Variants in SMYD3 observed in about 807,000 individuals in gnomAD.
SMYD3 encodes the protein SET and MYND domain containing 3.
SMYD3 carries 36 observed loss-of-function variants against 57.7 expected under a neutral mutation model. The ratio of observed to expected loss-of-function variants is 0.62; its 90% CI spans 0.48 to 0.82. The LOEUF is 0.82. Ranked by LOEUF, SMYD3 falls within the 40% of genes least tolerant of loss-of-function variation. The pLI is 0.00. For missense variants in SMYD3, 515 were observed against 538.8 expected, an observed-to-expected ratio of 0.96 and a Z score of 0.44; for synonymous variants, 211 against 195.0, an observed-to-expected ratio of 1.08 and a Z score of -0.68.
At chr1:245,804,475 A>G (rs923085500) in intron 10 of SMYD3, among the ~76,000 whole-genome samples, 4 of 151,996 alleles carry the variant, frequency 2.6e-5, no homozygotes, top group Non-Finnish European at 1.5e-5. Context: ...GGAGAATGGC[A>G]TGGACCTGGG....
intron 5 of SMYD3, among the ~76,000 whole-genome samples, chr1:246,030,757 G>A (rs955722128): frequency 3.3e-5 from 5 of 152,058 alleles, no homozygotes; most frequent in South Asian, 4.2e-4. Flanking sequence ...ATACAAACCC[G>A]CACACAAATT....
intron 5 of SMYD3, among the ~76,000 whole-genome samples, chr1:246,114,792 C>A (rs929685130): frequency 6.6e-6 from 1 of 152,056 alleles, no homozygotes; most frequent in African/African-American, 2.4e-5. Flanking sequence ...CCACCACGCC[C>A]GGCTCATTTT....
At chr1:246,236,575 T>C (rs12094623) in intron 5 of SMYD3, among the ~76,000 whole-genome samples, 31,499 of 151,912 alleles carry the variant, frequency 0.21, 3,966 homozygotes, top group East Asian at 0.58. Context: ...CCACCACGCC[T>C]GGTTAATTTT....
At chr1:246,416,278 G>A in intron 1 of SMYD3, among the ~76,000 whole-genome samples, 1 of 152,118 alleles carries the variant, frequency 6.6e-6, no homozygotes, top group Non-Finnish European at 1.5e-5. Flanking sequence ...TCAATTTATA[G>A]GTTGGAACAA....
intron 10 of SMYD3, among the ~76,000 whole-genome samples, chr1:245,767,186 G>T (rs1459301475): frequency 6.6e-6 from 1 of 151,976 alleles, no homozygotes; most frequent in Admixed American, 6.6e-5. Flanking sequence ...ACAAAAAGAC[G>T]GTCATCTTTT....
At chr1:246,411,036 C>G (rs532105483) in intron 1 of SMYD3, among the ~76,000 whole-genome samples, 41 of 151,288 alleles carry the variant, frequency 2.7e-4, no homozygotes, top group African/African-American at 7.0e-4. Flanking sequence ...TTTTTTATTG[C>G]ATCTATTTGA....
intron 1 of SMYD3, among the ~76,000 whole-genome samples, chr1:246,497,872 GA>G (rs916872923): frequency 7.2e-4 from 97 of 134,230 alleles, no homozygotes; most frequent in Middle Eastern, 3.7e-3. Flanking sequence ...GTCTCTAGAG[GA>G]AAAAAAAAAA....
At chr1:246,187,486 T>G (rs1014573345) in intron 5 of SMYD3, among the ~76,000 whole-genome samples, 1 of 152,168 alleles carries the variant, frequency 6.6e-6, no homozygotes, top group Non-Finnish European at 1.5e-5. Context: ...TGGCACAATT[T>G]TTTTTCTTTT....
At chr1:245,862,915 C>G (rs898604822) in intron 9 of SMYD3, among the ~76,000 whole-genome samples, 2 of 152,176 alleles carry the variant, frequency 1.3e-5, no homozygotes, top group Non-Finnish European at 2.9e-5. Flanking sequence ...CTAATAAACT[C>G]AGTGGGCTAT....
chr1:245,930,070 T>C, intron 5 of SMYD3, 133 bp from the exon 6 acceptor site: 1 of 712,996 alleles, frequency 1.4e-6, no homozygotes, highest in Non-Finnish European at 2.5e-6. Context: ...AAGCCAATCA[T>C]GGATGCTCTT....
chr1:245,764,849 C>T (rs749253494), intron 10 of SMYD3, among the ~76,000 whole-genome samples: 8 of 152,014 alleles, frequency 5.3e-5, no homozygotes, highest in Admixed American at 6.5e-5. Flanking sequence ...AGAAAGAGGA[C>T]GCACACGACT....
intron 1 of SMYD3, among the ~76,000 whole-genome samples, chr1:246,467,282 T>C (rs1015250308): frequency 6.6e-6 from 1 of 152,190 alleles, no homozygotes; most frequent in African/African-American, 2.4e-5. Context: ...TTGACAGAAT[T>C]AGATTTCACA....
Position 246,203,245 on chromosome 1 carries a change from G to A in SMYD3, c.531+123956C>T, listed in dbSNP as rs553931167. Among the ~76,000 whole-genome samples the A allele has an allele frequency of 5.3e-5, 8 of 152,288 alleles. No individual in the cohort carries two copies. The South Asian group carries it at 8.3e-4, about 16-fold the overall frequency. The stretch of plus-strand genomic sequence containing the variant: ...TTGTTTCCCTCTCACTGGTCCTTCA[G>A]TGAAATTAATTCAATAAATATCCAC... On this transcript the variant is annotated intron_variant, in intron 5 of 11. Transcript: ENST00000490107. The surrounding 1 kb of genome is among the most constrained non-coding windows in gnomAD (Gnocchi z 4.6).
chr1:245,919,786 C>A (rs752608377), intron 7 of SMYD3, among the ~76,000 whole-genome samples: 1 of 152,172 alleles, frequency 6.6e-6, no homozygotes, highest in Non-Finnish European at 1.5e-5. Context: ...GATCAGTAGA[C>A]ACCTTAATGG....
chr1:245,943,080 G>C (rs2057307829), intron 5 of SMYD3, among the ~76,000 whole-genome samples: 1 of 147,490 alleles, frequency 6.8e-6, no homozygotes, highest in African/African-American at 2.5e-5. Context: ...AAAAGAACTA[G>C]AGAACCACGA....
chr1:245,757,680 C>T (rs2045667236), intron 11 of SMYD3, among the ~76,000 whole-genome samples: 1 of 152,102 alleles, frequency 6.6e-6, no homozygotes. Context: ...GTTGAAGAGA[C>T]TGTCATTTTT....
At chr1:246,352,582 T>G in intron 2 of SMYD3, among the ~76,000 whole-genome samples, 1 of 152,242 alleles carries the variant, frequency 6.6e-6, no homozygotes, top group East Asian at 1.9e-4. Context: ...CTCTAGCTGT[T>G]ATTACATATA....
At chr1:246,479,413 G>A (rs1272448925) in intron 1 of SMYD3, among the ~76,000 whole-genome samples, 1 of 151,730 alleles carries the variant, frequency 6.6e-6, no homozygotes, top group Non-Finnish European at 1.5e-5. Flanking sequence ...CTTTTGTTGA[G>A]ATTACATCTT....
intron 5 of SMYD3, among the ~76,000 whole-genome samples, chr1:246,072,918 T>C (rs2060484101): frequency 6.6e-6 from 1 of 152,242 alleles, no homozygotes; most frequent in Non-Finnish European, 1.5e-5. Flanking sequence ...ACTTCTTCCA[T>C]AAATGAAGAA....
Sources: allele counts gnomAD v4.1 joint callset (sites outside exome capture counted in the v4.1 genomes callset), GRCh38; gene constraint gnomAD v4.1.1; non-coding constraint Gnocchi (gnomAD v3.1); transcripts MANE v1.5; gene names NCBI Gene and HGNC (gene_info 2026-07-23, HGNC 2026-07-21).